Variants in SF3A1 observed in about 807,000 individuals in gnomAD.
SF3A1 encodes splicing factor 3a subunit 1, also known as SAP 114.
SF3A1 carries 13 observed loss-of-function variants against 89.9 expected under a neutral mutation model. The ratio of observed to expected loss-of-function variants is 0.14; its 90% CI spans 0.09 to 0.23. The LOEUF is 0.23. Ranked by LOEUF, SF3A1 falls within the 10% of genes least tolerant of loss-of-function variation. SF3A1 has a pLI of 1.00. For synonymous variants in SF3A1, 405 were observed against 374.4 expected, an observed-to-expected ratio of 1.08 and a Z score of -0.94; for missense variants, 604 against 1,022.1, an observed-to-expected ratio of 0.59 and a Z score of 5.58.
chr22:30,340,313 T>C lies in SF3A1; in HGVS notation c.1258A>G (p.Ile420Val), dbSNP rs1346378092. The change falls in exon 9 of 16, where the codon ATC becomes GTC. Residue 420 changes from isoleucine to valine, a missense_variant. Physicochemically the swap from Ile to Val is conservative, Grantham distance 29. Coordinates refer to ENST00000215793, the MANE Select transcript of SF3A1 (RefSeq NM_005877.6). ...TGTTCCTGCATTTTGCTGGCGGGGATCTTCTCCCCAGTAATGGGGGACACA... is the reference window on the plus strand; with the variant it reads ...TGTTCCTGCATTTTGCTGGCGGGGACCTTCTCCCCAGTAATGGGGGACACA... ...YLVSPITGEK[I>V]PASKMQEHMR... 1.9e-6 allele frequency: 3 copies of C among 1,612,734 alleles called. No individual in the cohort carries two copies. Among genetic ancestry groups the C allele is most frequent in the Non-Finnish European group, 2.5e-6 (3 of 1,179,648 alleles).
chr22:30,337,845 C>T lies in SF3A1; in HGVS notation c.1796G>A (p.Arg599Gln), dbSNP rs1490565448. The part of the protein sequence containing the change: ...TVVSAVPVMP[R>Q]PPMASVVRLP... ...CCGGACCACAGATGCCATTGGGGGC[C>T]GGGGCATGACGGGTACTGCGGAGAC... Residue 599 changes from arginine (R) to glutamine (Q), a missense_variant, in exon 12 of 16, where the codon CGG becomes CAG. This residue lies in a region of SF3A1 where 85 missense variants were observed against 137.3 expected (regional missense o/e 0.62). Coordinates refer to ENST00000215793, the MANE Select transcript of SF3A1 (RefSeq NM_005877.6). The T allele has an allele frequency of 1.9e-6, 3 of 1,608,438 alleles. No homozygotes were observed. The highest frequency in any genetic ancestry group is 1.3e-5 in the African/African-American group (1 of 74,806).
intron 12 of SF3A1, 79 bp downstream of exon 12, chr22:30,337,611 T>A (rs767133661): frequency 3.9e-6 from 3 of 759,558 alleles, no homozygotes; most frequent in Admixed American, 4.0e-5. Flanking sequence ...GGCACTAGCA[T>A]CAGCCACTGC....
intron 2 of SF3A1, among the ~76,000 whole-genome samples, chr22:30,349,448 T>C (rs1055019462): frequency 6.6e-6 from 1 of 151,968 alleles, no homozygotes; most frequent in Non-Finnish European, 1.5e-5. Context: ...ACCTGGCTAA[T>C]TTTTTGTATT....
intron 2 of SF3A1, among the ~76,000 whole-genome samples, chr22:30,350,362 G>T (rs767995584): frequency 1.3e-5 from 2 of 151,652 alleles, no homozygotes; most frequent in African/African-American, 2.4e-5. Flanking sequence ...GGCACCTGTA[G>T]TCCTAGCTAC....
In SF3A1 at chr22:30,337,804, C is replaced by A. The variant is rs753693076; in HGVS notation, c.1837G>T (p.Val613Leu). The change falls in exon 12 of 16, where the codon GTG (valine) becomes TTG (leucine). Residue 613 changes from valine (V) to leucine (L), a missense_variant. By Grantham distance (32) the Val-to-Leu change is conservative (BLOSUM62 1). Coordinates refer to ENST00000215793, the MANE Select transcript of SF3A1 (RefSeq NM_005877.6). ...ASVVRLPPGS[V>L]IAPMPPIIHA... ...ATGATGGGCGGCATGGGGGCGATCA[C>A]TGAGCCTGGGGGCAGCCGGACCACA... 1 of 1,603,464 alleles carries A rather than the reference C, an allele frequency of 6.2e-7. No homozygotes were observed. The highest frequency in any genetic ancestry group is 2.2e-5 in the East Asian group (1 of 44,502).
intron 3 of SF3A1, among the ~76,000 whole-genome samples, chr22:30,345,482 T>C (rs1931390718): frequency 6.6e-6 from 1 of 152,296 alleles, no homozygotes; most frequent in South Asian, 2.1e-4. Context: ...TGACAGAAGA[T>C]CCAACAAGAA....
At chr22:30,351,011 A>T (rs918886531) in intron 2 of SF3A1, among the ~76,000 whole-genome samples, 10 of 152,222 alleles carry the variant, frequency 6.6e-5, no homozygotes, top group African/African-American at 9.6e-5. Flanking sequence ...TGAAAGTCTA[A>T]CCAAAGTAGG....
chr22:30,335,367 T>C (rs1261374201), intron 15 of SF3A1, 100 bp downstream of exon 15: 9 of 1,014,448 alleles, frequency 8.9e-6, no homozygotes, highest in Admixed American at 1.8e-5. Context: ...CACACCCAGA[T>C]ATCACTCCAC....
intron 15 of SF3A1, 103 bp from the exon 16 acceptor site, chr22:30,334,798 C>T: frequency 1.3e-6 from 1 of 742,604 alleles, no homozygotes; most frequent in Non-Finnish European, 2.2e-6. Context: ...CTGGACTTAG[C>T]AAATACAGGA....
chr22:30,346,888 C>G (rs1263019808), intron 2 of SF3A1, among the ~76,000 whole-genome samples: 1 of 152,032 alleles, frequency 6.6e-6, no homozygotes, highest in Admixed American at 6.6e-5. Flanking sequence ...ATCAGTATGC[C>G]TTTACCAACA....
Position 30,340,374 on chromosome 22 carries a change from C to T in SF3A1, c.1197G>A (p.Lys399=), listed in dbSNP as rs1931211318. Residue 399 remains lysine (K), a synonymous_variant, in exon 9 of 16, where the codon AAG becomes AAA. Transcript: ENST00000215793. ...VRKDYDPKAS[K]PLPPAPAPDE... ...CTGGAGCAGGGGCTGGAGGCAAGGG[C>T]TTGGAGGCTAAAAGGAAACAGATGT... The T allele has an allele frequency of 1.2e-6, 2 of 1,611,626 alleles. No individual in the cohort carries two copies. Among genetic ancestry groups the T allele is most frequent in the Non-Finnish European group, 1.7e-6 (2 of 1,179,426 alleles).
chr22:30,338,113 C>T (rs976218456), intron 11 of SF3A1, among the ~76,000 whole-genome samples: 1 of 152,072 alleles, frequency 6.6e-6, no homozygotes, highest in Non-Finnish European at 1.5e-5. Flanking sequence ...TGGGACTTGG[C>T]GGGTCAAACT....
chr22:30,347,523 C>T (rs887715020), intron 2 of SF3A1, among the ~76,000 whole-genome samples: 1 of 152,088 alleles, frequency 6.6e-6, no homozygotes, highest in Non-Finnish European at 1.5e-5. Context: ...CCCAGATATG[C>T]CCCATGTCCC....
In SF3A1 at chr22:30,337,183, G is replaced by A; in HGVS notation, c.1952-3C>T. 6.2e-7 allele frequency: 1 copy of A among 1,606,252 alleles called. No homozygotes were observed. The highest frequency in any genetic ancestry group is 8.5e-7 in the Non-Finnish European group (1 of 1,176,214). On this transcript the variant is annotated splice_region_variant and splice_polypyrimidine_tract_variant and intron_variant, in intron 12 of 15. Transcript: ENST00000215793. Reference sequence around the variant, plus strand: ...CACAGGTGGAGCAGGCACAAAGGCTGCAAAGACAAGAATAAGCAGCCCCAT... The same window carrying A: ...CACAGGTGGAGCAGGCACAAAGGCTACAAAGACAAGAATAAGCAGCCCCAT...
At chr22:30,349,291 T>C (rs771729411) in intron 2 of SF3A1, among the ~76,000 whole-genome samples, 1 of 152,230 alleles carries the variant, frequency 6.6e-6, no homozygotes, top group Non-Finnish European at 1.5e-5. Flanking sequence ...ATTTATTTAT[T>C]TACTTTTGAG....
At chr22:30,341,008 G>C (rs1278227051) in intron 7 of SF3A1, among the ~76,000 whole-genome samples, 196 bp from the exon 8 acceptor site, 1 of 151,170 alleles carries the variant, frequency 6.6e-6, no homozygotes, top group Non-Finnish European at 1.5e-5. Flanking sequence ...GAGTGCTGAG[G>C]CCACGGTCCT....
At chr22:30,340,881 G>C in intron 7 of SF3A1, 69 bp from the exon 8 acceptor site, 1 of 915,936 alleles carries the variant, frequency 1.1e-6, no homozygotes, top group Non-Finnish European at 1.7e-6. Flanking sequence ...GAGCCTGGCA[G>C]GTCTCTGGGT....
rs1931273746 is a variant in SF3A1 at position 30,341,980 on chromosome 22, C to G, written c.878-95G>C. On this transcript the variant is annotated intron_variant, in intron 6 of 15. Transcript: ENST00000215793. ...CAAGGGCTGGGGCCATGTCTGTTTT[C>G]TCTCCAGCTATCTCCAGAGGCCCAT... 3 of 1,325,580 alleles carry G rather than the reference C, an allele frequency of 2.3e-6. No individual in the cohort carries two copies. In the South Asian group the frequency reaches 4.0e-5, roughly 18 times the overall value. The allele number at this position is 1,325,580 out of a possible 1,614,324, so 82.1% of individuals were successfully genotyped here.
At position 30,333,123 on chromosome 22, in the gene SF3A1, T is replaced by C. The variant is rs1930964519; in HGVS notation, c.*1471A>G. On this transcript the variant is annotated 3_prime_UTR_variant, in exon 16 of 16. Transcript: ENST00000215793. ...AACTCTTGCCCCTGGGGCAAACTTC[T>C]AGCAACCAGGCCAGAGGCAAATGTC... 6.6e-6 allele frequency: 1 copy of C among 152,332 alleles called. No homozygotes were observed. Among genetic ancestry groups the C allele is most frequent in the African/African-American group, 2.4e-5 (1 of 41,552 alleles). 9.4% of individuals were successfully genotyped at this position (152,332 alleles called of 1,614,324 possible). A position where few individuals can be genotyped will look rare whatever the true frequency, so the allele number is the denominator to read the frequency against.
Sources: allele counts gnomAD v4.1 joint callset (sites outside exome capture counted in the v4.1 genomes callset), GRCh38; gene constraint gnomAD v4.1.1; regional missense constraint gnomAD v4.1.1; transcripts MANE v1.5; gene names NCBI Gene and HGNC (gene_info 2026-07-23, HGNC 2026-07-21).